Variants in MPP7 observed in about 807,000 individuals in gnomAD.
MPP7 encodes the protein MAGUK p55 subfamily member 7.
MPP7 carries 60 observed loss-of-function variants against 76.5 expected under a neutral mutation model. The observed-to-expected ratio is 0.78, with a 90% CI of 0.64 to 0.97. MPP7 has a LOEUF of 0.97. Ranked by LOEUF, MPP7 falls within the 50% of genes least tolerant of loss-of-function variation. MPP7 has a pLI of 0.00. For synonymous variants in MPP7, 237 were observed against 244.5 expected, an observed-to-expected ratio of 0.97 and a Z score of 0.29; for missense variants, 641 against 694.0, an observed-to-expected ratio of 0.92 and a Z score of 0.86.
intron 3 of MPP7, among the ~76,000 whole-genome samples, chr10:28,162,594 G>C (rs1836298368): frequency 6.6e-6 from 1 of 152,144 alleles, no homozygotes; most frequent in Non-Finnish European, 1.5e-5. Flanking sequence ...TGGGGAGCAG[G>C]TTATTAATTC....
chr10:28,095,188 C>CATATGCATAT (rs1853504399), intron 11 of MPP7, among the ~76,000 whole-genome samples: 1 of 45,242 alleles, frequency 2.2e-5, no homozygotes, highest in Admixed American at 3.7e-4. Context: ...TACATACACA[C>CATATGCATAT]ATATGCATAT....
intron 11 of MPP7, among the ~76,000 whole-genome samples, chr10:28,102,831 C>T (rs1374936099): frequency 6.6e-6 from 1 of 152,208 alleles, no homozygotes; most frequent in Non-Finnish European, 1.5e-5. Context: ...TGAATGACTA[C>T]AGGAGCTCCC....
chr10:28,300,935 G>C (rs1244130507), intron 1 of MPP7, among the ~76,000 whole-genome samples: 1 of 148,344 alleles, frequency 6.7e-6, no homozygotes, highest in Non-Finnish European at 1.5e-5. Flanking sequence ...ACAACAGAGT[G>C]AGACTCCACC....
intron 4 of MPP7, among the ~76,000 whole-genome samples, chr10:28,148,531 A>G (rs59466508): frequency 1.3e-3 from 191 of 152,316 alleles, no homozygotes; most frequent in African/African-American, 4.4e-3. Context: ...AATTTTCTCT[A>G]AAAGAAGGGC....
At chr10:28,323,068 C>A (rs1183140396) in intron 2 of MPP7, among the ~76,000 whole-genome samples, 2 of 152,110 alleles carry the variant, frequency 1.3e-5, no homozygotes, top group Non-Finnish European at 2.9e-5. Flanking sequence ...AGGCGGATCA[C>A]AAGGTCAGGA....
At chr10:28,300,248 T>C (rs1564765489) in intron 1 of MPP7, among the ~76,000 whole-genome samples, 1 of 148,812 alleles carries the variant, frequency 6.7e-6, no homozygotes, top group Non-Finnish European at 1.5e-5. Flanking sequence ...GGTAGTGTCA[T>C]AATTAATTTA....
intron 5 of MPP7, among the ~76,000 whole-genome samples, chr10:28,144,020 GATTAC>G (rs911609043): frequency 6.6e-6 from 1 of 152,050 alleles, no homozygotes; most frequent in Non-Finnish European, 1.5e-5. Flanking sequence ...AGGTAGCTGG[GATTAC>G]AGGCACCTGC....
intron 13 of MPP7, among the ~76,000 whole-genome samples, chr10:28,061,531 G>C (rs1259831330): frequency 6.6e-6 from 1 of 151,926 alleles, no homozygotes; most frequent in Non-Finnish European, 1.5e-5. Context: ...AAAAAATATA[G>C]ATAGAACTCC....
intron 1 of MPP7, among the ~76,000 whole-genome samples, chr10:28,291,951 C>T (rs1208669052): frequency 6.6e-6 from 1 of 152,210 alleles, no homozygotes; most frequent in Non-Finnish European, 1.5e-5. Flanking sequence ...TAGGCCTTCA[C>T]ATTCACTCAC....
At chr10:28,152,742 T>C (rs1395866879) in intron 3 of MPP7, among the ~76,000 whole-genome samples, 1 of 152,100 alleles carries the variant, frequency 6.6e-6, no homozygotes, top group Non-Finnish European at 1.5e-5. Context: ...GTCTATAATT[T>C]CTCTTTATAT....
At chr10:28,233,770 CTCATGCCTATAAT>C (rs1255568982) in intron 2 of MPP7, among the ~76,000 whole-genome samples, 1 of 151,630 alleles carries the variant, frequency 6.6e-6, no homozygotes, top group Non-Finnish European at 1.5e-5. Context: ...AGTGCGGTGC[CTCATGCCTATAAT>C]CCCAGCACTT....
In MPP7 at chr10:28,268,855, C is replaced by T. The variant is rs1397059204; in HGVS notation, c.-131-30120G>A. Among the ~76,000 whole-genome samples, 4 of 151,312 alleles carry T rather than the reference C, an allele frequency of 2.6e-5. No individual in the cohort carries two copies. In the East Asian group the frequency reaches 7.8e-4, roughly 29 times the overall value. ...AATGGCATGAACCCAGGAGGCAGAGCTTGCAGTGAGCCAAGATTGCGCCAC... is the reference window on the plus strand; with the variant it reads ...AATGGCATGAACCCAGGAGGCAGAGTTTGCAGTGAGCCAAGATTGCGCCAC... On this transcript the variant is annotated intron_variant, in intron 1 of 16. Transcript: ENST00000683449.
chr10:28,292,775 C>T (rs1368790896), intron 1 of MPP7, among the ~76,000 whole-genome samples: 1 of 152,062 alleles, frequency 6.6e-6, no homozygotes, highest in Non-Finnish European at 1.5e-5. Flanking sequence ...GCAAAATCCA[C>T]TGTGAAATTA....
At chr10:28,054,826 G>A (rs1039979042) in intron 16 of MPP7, among the ~76,000 whole-genome samples, 1 of 152,052 alleles carries the variant, frequency 6.6e-6, no homozygotes, top group Non-Finnish European at 1.5e-5. Context: ...ACAGGAGCGT[G>A]CCGCCACACC....
chr10:28,119,673 C>G lies in MPP7; in HGVS notation c.930G>C (p.Leu310=). The G allele has an allele frequency of 1.2e-6, 2 of 1,613,682 alleles. No homozygotes were observed. Among genetic ancestry groups the G allele is most frequent in the Non-Finnish European group, 1.7e-6 (2 of 1,179,736 alleles). Residue 310 remains leucine (L), a synonymous_variant, in exon 11 of 17, where the codon CTG becomes CTC. Coordinates refer to ENST00000683449, the MANE Select transcript of MPP7 (RefSeq NM_001318170.2). Reference sequence around the variant, plus strand: ...TACATGATTTCCTGTTGGAAACTTTCAGGGGCTGAACCAATATTTCTGGTC... The same window carrying G: ...TACATGATTTCCTGTTGGAAACTTTGAGGGGCTGAACCAATATTTCTGGTC... ...LRRPEILVQP[L]KVSNRKSSGF...
intron 1 of MPP7, among the ~76,000 whole-genome samples, chr10:28,250,943 C>T (rs868580788): frequency 6.6e-6 from 1 of 152,200 alleles, no homozygotes; most frequent in African/African-American, 2.4e-5. Flanking sequence ...TATGACTATT[C>T]AGCAATTCCT....
intron 2 of MPP7, among the ~76,000 whole-genome samples, chr10:28,314,426 T>C (rs1841307542): frequency 6.6e-6 from 1 of 152,158 alleles, no homozygotes; most frequent in Non-Finnish European, 1.5e-5. Flanking sequence ...ACAAGGCAGA[T>C]AGTTTCTGAA....
chr10:28,178,191 C>G (rs1369322895), intron 3 of MPP7, among the ~76,000 whole-genome samples: 2 of 152,036 alleles, frequency 1.3e-5, no homozygotes, highest in East Asian at 3.9e-4. Context: ...CTCCTAGATG[C>G]CAGCAGTACC....
chr10:28,327,626 T>C (rs1834429948), intron 2 of MPP7, among the ~76,000 whole-genome samples: 1 of 152,208 alleles, frequency 6.6e-6, no homozygotes, highest in Admixed American at 6.5e-5. Flanking sequence ...TAGCTCCTAT[T>C]GTTCCAGCGA....
Sources: gnomAD v4.1 joint callset for allele counts (sites outside exome capture counted in the v4.1 genomes callset) on GRCh38, gnomAD v4.1.1 for gene constraint, MANE v1.5 for transcripts, NCBI Gene and HGNC (gene_info 2026-07-23, HGNC 2026-07-21) for gene names.